The following MORN5 variants were observed in gnomAD, a reference collection of about 807,000 sequenced individuals.
MORN5 encodes MORN repeat containing 5.
A neutral mutation model predicts 22.1 loss-of-function variants in MORN5; 21 were observed. The ratio of observed to expected loss-of-function variants is 0.95; its 90% CI spans 0.67 to 1.37. The LOEUF is 1.37. MORN5 is among the 40% of genes most tolerant of loss of function. The probability of loss-of-function intolerance (pLI) is 0.00; values close to 1 mark genes in which losing one functional copy is unlikely to be tolerated. For missense variants in MORN5, 211 were observed against 215.1 expected (o/e 0.98, Z 0.12); for synonymous variants, 73 against 74.0 (o/e 0.99, Z 0.07).
At chr9:122,190,614 G>A (rs1829741420) in intron 4 of MORN5, among the ~76,000 whole-genome samples, 1 of 152,212 alleles carries the variant, frequency 6.6e-6, no homozygotes, top group African/African-American at 2.4e-5. Flanking sequence ...AAGCTTGTGG[G>A]TGCTTGGCCC....
At chr9:122,191,359 G>C (rs958083672) in intron 4 of MORN5, among the ~76,000 whole-genome samples, 7 of 152,202 alleles carry the variant, frequency 4.6e-5, no homozygotes, top group African/African-American at 1.7e-4. Context: ...GCTTCACTGA[G>C]CGTAACTCTG....
intron 4 of MORN5, among the ~76,000 whole-genome samples, chr9:122,177,024 G>A (rs1471718014): frequency 6.6e-6 from 1 of 152,242 alleles, no homozygotes; most frequent in East Asian, 1.9e-4. Context: ...ACAATAGTAA[G>A]AGATTAGGTT....
At chr9:122,196,394 C>T (rs902769595) in intron 4 of MORN5, among the ~76,000 whole-genome samples, 5 of 148,656 alleles carry the variant, frequency 3.4e-5, no homozygotes, top group African/African-American at 5.0e-5. Flanking sequence ...AGGGCAGTGG[C>T]GCAATCTCGG....
At chr9:122,190,227 A>G (rs1829731070) in intron 4 of MORN5, among the ~76,000 whole-genome samples, 2 of 152,256 alleles carry the variant, frequency 1.3e-5, no homozygotes, top group Admixed American at 6.5e-5. Flanking sequence ...TCCTAAATCC[A>G]GCCTTAGGCC....
At chr9:122,174,459 T>G (rs1564417669) in intron 3 of MORN5, 37 bp from the exon 4 acceptor site, 1 of 1,609,202 alleles carries the variant, frequency 6.2e-7, no homozygotes, top group Non-Finnish European at 8.5e-7. Context: ...GGATTTGGCC[T>G]TCATGGTGAA....
At chr9:122,172,769 A>G (rs1829384614) in intron 3 of MORN5, among the ~76,000 whole-genome samples, 1 of 152,208 alleles carries the variant, frequency 6.6e-6, no homozygotes, top group African/African-American at 2.4e-5. Flanking sequence ...GTTATTGTCA[A>G]ACAGGGATAA....
chr9:122,191,219 A>G (rs542241262), intron 4 of MORN5, among the ~76,000 whole-genome samples: 1 of 152,184 alleles, frequency 6.6e-6, no homozygotes, highest in African/African-American at 2.4e-5. Context: ...CATGAGCCAC[A>G]CACCATGTGC....
In MORN5 at chr9:122,188,866, G is replaced by A. The variant is rs377287400; in HGVS notation, c.440-11019G>A. ...CTCCATCCCTGTGTGCCTCCTGTCC[G>A]GGGAGCACCTTGCTACAGAGGATGA... is the stretch of plus-strand genomic sequence containing the variant. On this transcript the variant is annotated intron_variant, in intron 4 of 4. Coordinates refer to ENST00000373764, the MANE Select transcript of MORN5 (RefSeq NM_198469.4). Among the ~76,000 whole-genome samples the A allele has an allele frequency of 7.9e-5, 12 of 152,232 alleles. No homozygotes were observed. In the South Asian group the frequency reaches 8.3e-4, roughly 11 times the overall value.
At chr9:122,166,668 T>G in intron 1 of MORN5, 100 bp from the exon 2 acceptor site, 438 of 1,124,264 alleles carry the variant, frequency 3.9e-4, no homozygotes, top group Non-Finnish European at 4.9e-4. Context: ...ATGAGAAGGA[T>G]GAGAATGCTG....
At position 122,162,916 on chromosome 9, in the gene MORN5, G is replaced by A. The variant is rs180738146; in HGVS notation, c.47+2897G>A. Among the ~76,000 whole-genome samples the A allele has an allele frequency of 9.2e-5, 14 of 152,084 alleles. No homozygotes were observed. In the East Asian group the frequency reaches 2.3e-3, roughly 25 times the overall value. ...CTTGATTGTGATGATGTTTTCCCAG[G>A]TGATGTCAAAACGTGTCAAATTGTA... On this transcript the variant is annotated intron_variant, in intron 1 of 4. Coordinates refer to ENST00000373764, the MANE Select transcript of MORN5 (RefSeq NM_198469.4).
At chr9:122,163,447 A>C (rs370026815) in intron 1 of MORN5, among the ~76,000 whole-genome samples, 1 of 152,266 alleles carries the variant, frequency 6.6e-6, no homozygotes, top group African/African-American at 2.4e-5. Context: ...CAGAGGCCAC[A>C]TACAGTCGGA....
intron 1 of MORN5, 31 bp downstream of exon 1, chr9:122,160,050 C>G: frequency 6.3e-7 from 1 of 1,591,340 alleles, no homozygotes; most frequent in South Asian, 1.1e-5. Flanking sequence ...ACTTACTATA[C>G]CTTGAATAGC....
At position 122,160,574 on chromosome 9, in the gene MORN5, C is replaced by T. The variant is rs528648687; in HGVS notation, c.47+555C>T. ...CCTTCCTTCCTTCCTTTTTTCCTTC[C>T]TTCCTTCCTTCCTACCTTCCTCTCT... On this transcript the variant is annotated intron_variant, in intron 1 of 4. Coordinates refer to ENST00000373764, the MANE Select transcript of MORN5 (RefSeq NM_198469.4). Among the ~76,000 whole-genome samples, 110 of 147,688 alleles carry T rather than the reference C, an allele frequency of 7.4e-4. 2 individuals carry two copies. The highest frequency in any genetic ancestry group is 2.7e-3 in the African/African-American group (109 of 40,068).
At chr9:122,177,486 A>G (rs183310081) in intron 4 of MORN5, among the ~76,000 whole-genome samples, 210 of 152,264 alleles carry the variant, frequency 1.4e-3, no homozygotes, top group African/African-American at 4.8e-3. Context: ...AGCTGGGAGT[A>G]AAATGACGCG....
chr9:122,161,065 T>G (rs1829190614), intron 1 of MORN5, among the ~76,000 whole-genome samples: 1 of 152,224 alleles, frequency 6.6e-6, no homozygotes, highest in Admixed American at 6.5e-5. Context: ...GTGGCCACTC[T>G]TTTTTGCCAA....
chr9:122,196,205 C>T (rs1286107496), intron 4 of MORN5, among the ~76,000 whole-genome samples: 1 of 152,018 alleles, frequency 6.6e-6, no homozygotes, highest in Non-Finnish European at 1.5e-5. Context: ...GCAGTCTGTC[C>T]ACCTCAGCCT....
intron 4 of MORN5, among the ~76,000 whole-genome samples, chr9:122,177,027 A>T (rs188511925): frequency 1.1e-3 from 164 of 152,358 alleles, no homozygotes; most frequent in Non-Finnish European, 2.0e-3. Context: ...ATAGTAAGAG[A>T]TTAGGTTGTG....
At chr9:122,183,735 A>C (rs773359984) in intron 4 of MORN5, among the ~76,000 whole-genome samples, 4 of 152,230 alleles carry the variant, frequency 2.6e-5, no homozygotes, top group Non-Finnish European at 5.9e-5. Context: ...CAAATCTTTC[A>C]AACAGCATAT....
intron 4 of MORN5, among the ~76,000 whole-genome samples, chr9:122,179,430 T>C (rs1829501931): frequency 6.6e-6 from 1 of 152,134 alleles, no homozygotes; most frequent in Non-Finnish European, 1.5e-5. Flanking sequence ...GGTAAGATGA[T>C]GGGAGAGAGG....
Sources: gnomAD v4.1 joint callset for allele counts (sites outside exome capture counted in the v4.1 genomes callset) on GRCh38, gnomAD v4.1.1 for gene constraint, MANE v1.5 for transcripts, NCBI Gene and HGNC (gene_info 2026-07-23, HGNC 2026-07-21) for gene names.